The following SCAF4 variants were observed in gnomAD, a reference collection of about 807,000 sequenced individuals.
SCAF4 encodes SR-related and CTD-associated factor 4.
A neutral mutation model predicts 129.8 loss-of-function variants in SCAF4; 25 were observed. The ratio of observed to expected loss-of-function variants is 0.19; its 90% confidence interval spans 0.14 to 0.27. The LOEUF (loss-of-function observed/expected upper bound fraction) is 0.27, where lower values mean the gene tolerates loss of function less well. Ranked by LOEUF, SCAF4 falls within the 10% of genes least tolerant of loss-of-function variation. The pLI is 1.00. For synonymous variants in SCAF4, 551 were observed against 497.7 expected (o/e 1.11, Z -1.43); for missense variants, 1,246 against 1,457.1 (o/e 0.86, Z 2.36).
intron 19 of SCAF4, 178 bp downstream of exon 19, chr21:31,684,871 T>A: frequency 1.7e-6 from 1 of 587,072 alleles, no homozygotes; most frequent in South Asian, 2.1e-5. Context: ...TATTTGACTT[T>A]AAGAGGAAGA....
chr21:31,684,410 ATCTAAG>A (rs1304393141), intron 19 of SCAF4: 2 of 152,292 alleles, frequency 1.3e-5, no homozygotes, highest in African/African-American at 4.8e-5. Context: ...GATGTAAAAG[ATCTAAG>A]TCACATCGCC....
At chr21:31,690,241 A>C (rs534874615) in intron 15 of SCAF4, among the ~76,000 whole-genome samples, 7 of 152,196 alleles carry the variant, frequency 4.6e-5, no homozygotes, top group Non-Finnish European at 1.0e-4. Flanking sequence ...TGCCAACTCT[A>C]TGGGAGGTCG....
chr21:31,717,884 T>C (rs1409806307), intron 1 of SCAF4, among the ~76,000 whole-genome samples: 2,807 of 115,362 alleles, frequency 0.024, 108 homozygotes, highest in African/African-American at 0.093. Context: ...TACACATATA[T>C]ACACATATAT....
chr21:31,719,879 A>C (rs1268558415), intron 1 of SCAF4, among the ~76,000 whole-genome samples: 1 of 152,220 alleles, frequency 6.6e-6, no homozygotes, highest in Non-Finnish European at 1.5e-5. Context: ...CCACTTTTAG[A>C]ATCAAGGCTG....
At chr21:31,728,438 A>G (rs1318566595) in intron 1 of SCAF4, among the ~76,000 whole-genome samples, 2 of 152,196 alleles carry the variant, frequency 1.3e-5, no homozygotes, top group Non-Finnish European at 2.9e-5. Flanking sequence ...ATCCTCAAAC[A>G]TTTCAGTGGC....
At position 31,696,569 on chromosome 21, in the gene SCAF4, A is replaced by T; in HGVS notation, c.959T>A (p.Phe320Tyr). Residue 320 changes from phenylalanine to tyrosine, a missense_variant and splice_region_variant, in exon 8 of 20, where the codon TTT becomes TAT. Physicochemically the swap from Phe to Tyr is conservative, Grantham distance 22 (BLOSUM62 3). Around this residue, in one of 6 missense-constraint regions of SCAF4, gnomAD observed 236 missense variants for 210.0 expected, o/e 1.12. Coordinates refer to ENST00000286835, the MANE Select transcript of SCAF4 (RefSeq NM_020706.2). ...AASPPPPQAP[F>Y]GFPGDGMQQP... Reference sequence around the variant, plus strand: ...CTGAGGAATAAAAAAAAAAACTAACAATGGTGCCTGTGGAGGAGGAGGAGA... The same window carrying T: ...CTGAGGAATAAAAAAAAAAACTAACTATGGTGCCTGTGGAGGAGGAGGAGA... 1 of 1,588,876 alleles carries T rather than the reference A, an allele frequency of 6.3e-7. No homozygotes were observed. The highest frequency in any genetic ancestry group is 8.6e-7 in the Non-Finnish European group (1 of 1,169,232).
intron 1 of SCAF4, among the ~76,000 whole-genome samples, chr21:31,723,646 G>A (rs112078975): frequency 0.034 from 5,118 of 150,014 alleles, 129 homozygotes; most frequent in Non-Finnish European, 0.048. Flanking sequence ...GCGCGCGCGC[G>A]CACATACAGT....
At chr21:31,694,396 C>A (rs1430143010) in intron 10 of SCAF4, 107 bp from the exon 11 acceptor site, 15 of 693,286 alleles carry the variant, frequency 2.2e-5, no homozygotes, top group Non-Finnish European at 2.8e-5. Flanking sequence ...TGAAGCAATT[C>A]TCTTTTGGTT....
chr21:31,724,242 C>A (rs1041405721), intron 1 of SCAF4, among the ~76,000 whole-genome samples: 1 of 152,164 alleles, frequency 6.6e-6, no homozygotes, highest in African/African-American at 2.4e-5. Flanking sequence ...AATATTAACA[C>A]AGAAATGTAG....
intron 6 of SCAF4, among the ~76,000 whole-genome samples, chr21:31,701,455 T>C (rs2050529736): frequency 1.3e-5 from 2 of 152,182 alleles, no homozygotes; most frequent in African/African-American, 4.8e-5. Context: ...ATAAGTTTTC[T>C]AGAAAAATGG....
rs1257428784 is a variant in SCAF4 at position 31,672,274 on chromosome 21, T to A, written c.2569A>T (p.Ile857Phe). The change falls in exon 20 of 20, where the codon ATC becomes TTC. Residue 857 changes from isoleucine (I) to phenylalanine (F), a missense_variant. Ile to Phe is a conservative substitution (Grantham distance 21). Around this residue, in one of 6 missense-constraint regions of SCAF4, gnomAD observed 468 missense variants for 605.5 expected, o/e 0.77. Coordinates refer to ENST00000286835, the MANE Select transcript of SCAF4 (RefSeq NM_020706.2). ...TGLLGARPGL[I>F]PLQRPPGMPP... ...ATTCCTGGAGGGCGCTGGAGTGGGATGAGACCGGGCCGGGCGCCAAGAAGA... is the reference window on the plus strand; with the variant it reads ...ATTCCTGGAGGGCGCTGGAGTGGGAAGAGACCGGGCCGGGCGCCAAGAAGA... The A allele has an allele frequency of 6.2e-7, 1 of 1,613,776 alleles. No homozygotes were observed. Among genetic ancestry groups the A allele is most frequent in the African/African-American group, 1.3e-5 (1 of 74,880 alleles).
At chr21:31,682,093 C>T (rs559300275) in intron 19 of SCAF4, among the ~76,000 whole-genome samples, 8 of 152,192 alleles carry the variant, frequency 5.3e-5, no homozygotes, top group African/African-American at 1.4e-4. Flanking sequence ...TAATCTATCT[C>T]GAAAATATCT....
rs1470567237 is a variant in SCAF4 at position 31,705,549 on chromosome 21, A to T, written c.115-82T>A. ...AATTAGAAAATTCTTAAAACTCTGA[A>T]ATCTATACAATCTAAATATTATCAA... On this transcript the variant is annotated intron_variant, in intron 2 of 19. Coordinates refer to ENST00000286835, the MANE Select transcript of SCAF4 (RefSeq NM_020706.2). The T allele has an allele frequency of 5.6e-6, 3 of 535,962 alleles. No individual in the cohort carries two copies. In the Admixed American group the frequency reaches 1.2e-4, roughly 22 times the overall value. The allele number at this position is 535,962 out of a possible 1,614,324, so 33.2% of individuals were successfully genotyped here.
intron 19 of SCAF4, 145 bp downstream of exon 19, chr21:31,684,904 A>T (rs1172809287): frequency 1.7e-6 from 1 of 597,140 alleles, no homozygotes; most frequent in Non-Finnish European, 3.0e-6. Context: ...ACAAACAAAC[A>T]AACAAAACAA....
At chr21:31,717,792 T>C (rs1203153630) in intron 1 of SCAF4, among the ~76,000 whole-genome samples, 3 of 143,438 alleles carry the variant, frequency 2.1e-5, no homozygotes, top group African/African-American at 5.2e-5. Flanking sequence ...ACATACACTG[T>C]GCAAAAAAAA....
At chr21:31,712,870 TA>T in intron 1 of SCAF4, 3 of 973,114 alleles carry the variant, frequency 3.1e-6, no homozygotes, top group Non-Finnish European at 3.7e-6. Flanking sequence ...TGGCCTTCTT[TA>T]TAAAACTGTT....
chr21:31,679,991 T>C (rs1309577195), intron 19 of SCAF4, among the ~76,000 whole-genome samples: 3 of 152,226 alleles, frequency 2.0e-5, no homozygotes, highest in Non-Finnish European at 4.4e-5. Context: ...TGAATGAGAT[T>C]ATCTGTAGGC....
At chr21:31,696,834 C>T in intron 7 of SCAF4, 84 bp from the exon 8 acceptor site, 1 of 1,175,752 alleles carries the variant, frequency 8.5e-7, no homozygotes, top group Non-Finnish European at 1.2e-6. Context: ...GGGATGTTTA[C>T]CACCATCTAG....
chr21:31,721,072 C>A (rs1267430168), intron 1 of SCAF4, among the ~76,000 whole-genome samples: 1 of 152,102 alleles, frequency 6.6e-6, no homozygotes, highest in African/African-American at 2.4e-5. Flanking sequence ...GAGTTGTGCA[C>A]CCATCAACAC....
Sources: allele counts gnomAD v4.1 joint callset (sites outside exome capture counted in the v4.1 genomes callset), GRCh38; gene constraint gnomAD v4.1.1; regional missense constraint gnomAD v4.1.1; transcripts MANE v1.5; gene names NCBI Gene and HGNC (gene_info 2026-07-23, HGNC 2026-07-21).